The following MSI2 variants were observed in gnomAD, a reference collection of about 807,000 sequenced individuals.
MSI2 encodes the protein RNA-binding protein Musashi homolog 2.
MSI2 carries 17 observed loss-of-function variants against 45.6 expected under a neutral mutation model. The observed-to-expected ratio is 0.37, with a 90% CI of 0.26 to 0.56. MSI2 has a LOEUF of 0.56. Ranked by LOEUF, MSI2 falls within the 20% of genes least tolerant of loss-of-function variation. MSI2 has a pLI of 0.77. For synonymous variants in MSI2, 156 were observed against 158.2 expected (o/e 0.99, Z 0.11); for missense variants, 293 against 444.2 (o/e 0.66, Z 3.06).
chr17:57,370,229 CT>C (rs1310108353), intron 5 of MSI2, among the ~76,000 whole-genome samples: 1 of 152,194 alleles, frequency 6.6e-6, no homozygotes, highest in Non-Finnish European at 1.5e-5. Flanking sequence ...TGCCTAAGGT[CT>C]TGTGATTGTT....
chr17:57,633,243 G>A (rs1909565902), intron 10 of MSI2: 5 of 922,842 alleles, frequency 5.4e-6, no homozygotes, highest in Non-Finnish European at 5.2e-6. Context: ...CGGGGGAGGT[G>A]AATGCACTGA....
intron 6 of MSI2, among the ~76,000 whole-genome samples, chr17:57,416,440 C>T (rs1003816620): frequency 3.3e-5 from 5 of 152,128 alleles, no homozygotes; most frequent in East Asian, 3.9e-4. Flanking sequence ...GGAAGCCGCC[C>T]GAAATAATTT....
At chr17:57,538,105 T>C (rs2086959694) in intron 7 of MSI2, among the ~76,000 whole-genome samples, 1 of 151,892 alleles carries the variant, frequency 6.6e-6, no homozygotes, top group African/African-American at 2.4e-5. Flanking sequence ...GCTCTGACTC[T>C]CACAACATGG....
chr17:57,501,991 G>A (rs1050094343), intron 6 of MSI2, among the ~76,000 whole-genome samples: 1 of 152,206 alleles, frequency 6.6e-6, no homozygotes, highest in African/African-American at 2.4e-5. Flanking sequence ...TGCATAGCCA[G>A]TTTCTAGGAG....
At chr17:57,672,464 A>G (rs897189159) in intron 11 of MSI2, among the ~76,000 whole-genome samples, 1 of 152,206 alleles carries the variant, frequency 6.6e-6, no homozygotes, top group Admixed American at 6.5e-5. Flanking sequence ...TTCTGTGGGC[A>G]TGCTACATCC....
At chr17:57,401,682 C>G (rs1291069698) in intron 6 of MSI2, among the ~76,000 whole-genome samples, 1 of 152,202 alleles carries the variant, frequency 6.6e-6, no homozygotes, top group East Asian at 1.9e-4. Flanking sequence ...CTGGCAGGAG[C>G]AGACAGAGTG....
At chr17:57,417,555 C>T (rs2084317966) in intron 6 of MSI2, among the ~76,000 whole-genome samples, 2 of 152,196 alleles carry the variant, frequency 1.3e-5, no homozygotes, top group African/African-American at 4.8e-5. Flanking sequence ...TACCCCTCAA[C>T]CCCCAAGAAG....
At chr17:57,415,333 C>T (rs146140116) in intron 6 of MSI2, among the ~76,000 whole-genome samples, 3 of 150,696 alleles carry the variant, frequency 2.0e-5, no homozygotes, top group Non-Finnish European at 2.9e-5. Flanking sequence ...TCGAATGAAC[C>T]GAATTTGCCA....
At chr17:57,648,659 A>G (rs1429498895) in intron 10 of MSI2, among the ~76,000 whole-genome samples, 1 of 152,124 alleles carries the variant, frequency 6.6e-6, no homozygotes, top group Non-Finnish European at 1.5e-5. Context: ...GGTGCTGGGC[A>G]TCTGTGGGCA....
intron 6 of MSI2, among the ~76,000 whole-genome samples, chr17:57,428,031 CAG>C (rs1598258328): frequency 6.6e-6 from 1 of 152,012 alleles, no homozygotes. Context: ...AGCAGGAAAA[CAG>C]GGTGATAGTG....
intron 11 of MSI2, among the ~76,000 whole-genome samples, chr17:57,667,156 G>A (rs1171574140): frequency 6.6e-6 from 1 of 152,192 alleles, no homozygotes; most frequent in African/African-American, 2.4e-5. Context: ...GCTGCTGGGT[G>A]GTTCAATGCA....
chr17:57,687,239 G>A (rs1289799052), downstream of MSI2, among the ~76,000 whole-genome samples: 1 of 151,524 alleles, frequency 6.6e-6, no homozygotes, highest in East Asian at 1.9e-4. Context: ...TTTTTTTGGG[G>A]GAGGTGAAGG....
chr17:57,573,302 T>A (rs2087927192), intron 7 of MSI2, among the ~76,000 whole-genome samples: 1 of 150,146 alleles, frequency 6.7e-6, no homozygotes, highest in Non-Finnish European at 1.5e-5. Context: ...CAACTTCTGC[T>A]TATTGATCCC....
chr17:57,296,035 A>T (rs1215916306), intron 5 of MSI2, among the ~76,000 whole-genome samples: 4 of 77,368 alleles, frequency 5.2e-5, no homozygotes, highest in Non-Finnish European at 4.9e-5. Context: ...TTGCCTTACT[A>T]CATGTTCTGG....
intron 6 of MSI2, among the ~76,000 whole-genome samples, chr17:57,408,894 C>A (rs2084136205): frequency 6.6e-6 from 1 of 152,054 alleles, no homozygotes; most frequent in Non-Finnish European, 1.5e-5. Flanking sequence ...ACCCGCCCCC[C>A]ACCTCCGTAG....
chr17:57,377,445 T>C (rs919455605), intron 5 of MSI2, among the ~76,000 whole-genome samples: 1 of 152,196 alleles, frequency 6.6e-6, no homozygotes, highest in Non-Finnish European at 1.5e-5. Context: ...GACAGGGAAT[T>C]TGGGGCTCTG....
intron 5 of MSI2, among the ~76,000 whole-genome samples, chr17:57,361,156 TGC>T (rs1400586506): frequency 1.1e-4 from 17 of 152,190 alleles, no homozygotes; most frequent in African/African-American, 4.1e-4. Flanking sequence ...GTTGAAAATC[TGC>T]GTATAACTTT....
chr17:57,468,878 C>A (rs893122798), intron 6 of MSI2, among the ~76,000 whole-genome samples: 5 of 152,142 alleles, frequency 3.3e-5, no homozygotes, highest in Non-Finnish European at 7.3e-5. Context: ...ACCTCTCTCT[C>A]CTTGAGACAG....
chr17:57,623,657 T>C (rs1908519163), intron 9 of MSI2, among the ~76,000 whole-genome samples: 1 of 152,152 alleles, frequency 6.6e-6, no homozygotes, highest in Admixed American at 6.5e-5. Flanking sequence ...TTGGAGCAGA[T>C]AAATTGTGCA....
Sources: gnomAD v4.1 joint callset for allele counts (sites outside exome capture counted in the v4.1 genomes callset) on GRCh38, gnomAD v4.1.1 for gene constraint, MANE v1.5 for transcripts, NCBI Gene and HGNC (gene_info 2026-07-23, HGNC 2026-07-21) for gene names.